The following ANO10 variants were observed in gnomAD, a reference collection of about 807,000 sequenced individuals.
ANO10 encodes the protein anoctamin-10.
In ANO10, 77 loss-of-function variants were observed where a neutral mutation model predicts 74.7. That is an observed-to-expected ratio of 1.03 (90% CI 0.86 to 1.25). The LOEUF (loss-of-function observed/expected upper bound fraction) is 1.25. Ranked by LOEUF, ANO10 falls within the 50% of genes most tolerant of loss-of-function variation. The pLI is 0.00. For missense variants in ANO10, 721 were observed against 778.1 expected, an observed-to-expected ratio of 0.93 and a Z score of 0.87; for synonymous variants, 279 against 284.9, an observed-to-expected ratio of 0.98 and a Z score of 0.21.
chr3:43,658,975 T>C (rs2083889259), intron 1 of ANO10, among the ~76,000 whole-genome samples: 1 of 152,144 alleles, frequency 6.6e-6, no homozygotes, highest in South Asian at 2.1e-4. Flanking sequence ...TTAAGTTGAA[T>C]ATTTATATTT....
chr3:43,611,988 C>T (rs2082840349), intron 1 of ANO10, among the ~76,000 whole-genome samples: 1 of 151,660 alleles, frequency 6.6e-6, no homozygotes, highest in African/African-American at 2.4e-5. Flanking sequence ...TTATCATAGA[C>T]TCTTTCCTTG....
intron 12 of ANO10, among the ~76,000 whole-genome samples, chr3:43,417,575 T>C (rs2092760341): frequency 6.6e-6 from 1 of 152,108 alleles, no homozygotes; most frequent in African/African-American, 2.4e-5. Context: ...AAACTTCCAC[T>C]CCTAAACTCC....
chr3:43,603,520 A>G (rs2082427484), intron 2 of ANO10, among the ~76,000 whole-genome samples: 1 of 151,178 alleles, frequency 6.6e-6, no homozygotes, highest in South Asian at 2.1e-4. Context: ...TCTTTTCGTA[A>G]CTCTGAGTGC....
At position 43,372,767 on chromosome 3, in the gene ANO10, C is replaced by T. The variant is rs1467962867; in HGVS notation, c.1915-5793G>A. ...CCAGAGAGCAGGGCCATGACTAGAC[C>T]CCAGGACCTATGACAGTGCCTGGCA... On this transcript the variant is annotated intron_variant, in intron 12 of 12. Coordinates refer to ENST00000292246, the MANE Select transcript of ANO10 (RefSeq NM_018075.5). 3.0e-6 allele frequency: 4 copies of T among 1,355,808 alleles called. No homozygotes were observed. In the Admixed American group the frequency reaches 7.9e-5, roughly 27 times the overall value. 84.0% of individuals were successfully genotyped at this position (1,355,808 alleles called of 1,614,324 possible).
chr3:43,525,671 GTT>G (rs916241980), intron 11 of ANO10, among the ~76,000 whole-genome samples: 2 of 152,226 alleles, frequency 1.3e-5, no homozygotes, highest in African/African-American at 4.8e-5. Context: ...AGGGAAAGAT[GTT>G]TTGTCTCTCT....
At chr3:43,569,167 CA>C (rs2080549435) in intron 7 of ANO10, among the ~76,000 whole-genome samples, 1 of 148,268 alleles carries the variant, frequency 6.7e-6, no homozygotes, top group Non-Finnish European at 1.5e-5. Context: ...AGACCAATAA[CA>C]GGAGCTGAAA....
chr3:43,609,734 C>A (rs1271198565), intron 1 of ANO10, among the ~76,000 whole-genome samples: 1 of 152,146 alleles, frequency 6.6e-6, no homozygotes, highest in Admixed American at 6.6e-5. Flanking sequence ...CATGTTACTG[C>A]ACTGAATCCT....
At chr3:43,539,933 C>T (rs1376683331) in intron 11 of ANO10, among the ~76,000 whole-genome samples, 4 of 152,170 alleles carry the variant, frequency 2.6e-5, no homozygotes, top group Non-Finnish European at 5.9e-5. Flanking sequence ...AGGTTACCCA[C>T]TGTAAGACCT....
At chr3:43,424,892 G>C (rs1355711100) in intron 12 of ANO10, 1 of 152,196 alleles carries the variant, frequency 6.6e-6, no homozygotes, top group Admixed American at 6.5e-5. Flanking sequence ...ACCTTCCAGT[G>C]AAAGAAGAAA....
upstream of ANO10, among the ~76,000 whole-genome samples, chr3:43,622,403 C>G (rs543651797): frequency 1.3e-5 from 2 of 152,264 alleles, no homozygotes; most frequent in South Asian, 4.1e-4. Flanking sequence ...GCTCTCCAAC[C>G]GCGAGCGGTC....
chr3:43,593,860 A>G (rs1190132881), intron 4 of ANO10, among the ~76,000 whole-genome samples: 2 of 152,216 alleles, frequency 1.3e-5, no homozygotes, highest in Non-Finnish European at 2.9e-5. Flanking sequence ...TGTATTCAGG[A>G]GACCCATCTC....
In ANO10 at chr3:43,538,773, G is replaced by T. The variant is rs1432728595; in HGVS notation, c.1797+10947C>A. Among the ~76,000 whole-genome samples the T allele has an allele frequency of 1.3e-5, 2 of 152,280 alleles. 1 individual carries two copies. Among genetic ancestry groups the T allele is most frequent in the South Asian group, 4.1e-4 (2 of 4,820 alleles). ...GAACGGCCTGCTGTCTACACACACA[G>T]GGGCAGGTGCTTCATAGACAAGAAC... On this transcript the variant is annotated intron_variant, in intron 11 of 12. Transcript: ENST00000292246.
chr3:43,549,720 C>T lies in ANO10; in HGVS notation c.1797G>A (p.Glu599=). 4 of 1,613,844 alleles carry T rather than the reference C, an allele frequency of 2.5e-6. No homozygotes were observed. The highest frequency in any genetic ancestry group is 2.5e-6 in the Non-Finnish European group (3 of 1,179,826). Residue 599 remains glutamate (E), a splice_region_variant and synonymous_variant, in exon 11 of 13, where the codon GAG becomes GAA. Coordinates refer to ENST00000292246, the MANE Select transcript of ANO10 (RefSeq NM_018075.5). ...ADLILIVVAV[E]HALLALKFIL... ...AAAATAAGTTTAAATCTTTACTTAC[C>T]TCCACTGCTACTACAATCAAAATGA...
chr3:43,446,932 A>G (rs1340907321), intron 11 of ANO10, among the ~76,000 whole-genome samples: 1 of 152,168 alleles, frequency 6.6e-6, no homozygotes, highest in African/African-American at 2.4e-5. Flanking sequence ...CATCTTCCCA[A>G]TGCCCCACTG....
At chr3:43,598,063 T>C (rs1316749728) in intron 4 of ANO10, among the ~76,000 whole-genome samples, 3 of 152,224 alleles carry the variant, frequency 2.0e-5, no homozygotes, top group Non-Finnish European at 4.4e-5. Context: ...TTATGCATTG[T>C]AGTAAACTTT....
At chr3:43,498,806 G>C (rs1390841795) in intron 11 of ANO10, among the ~76,000 whole-genome samples, 1 of 152,102 alleles carries the variant, frequency 6.6e-6, no homozygotes, top group East Asian at 1.9e-4. Flanking sequence ...GGTAAGAGGG[G>C]AATAAAAATC....
At chr3:43,485,197 A>C in intron 11 of ANO10, 1 of 697,546 alleles carries the variant, frequency 1.4e-6, no homozygotes, top group Non-Finnish European at 2.6e-6. Context: ...GTGGTCAGGT[A>C]CCGGTATTGC....
At chr3:43,609,384 A>C (rs997648648) in intron 1 of ANO10, among the ~76,000 whole-genome samples, 1 of 152,228 alleles carries the variant, frequency 6.6e-6, no homozygotes, top group African/African-American at 2.4e-5. Context: ...GCAAAATTAA[A>C]TGTATAAAAC....
chr3:43,380,280 A>G (rs963989105), intron 12 of ANO10, among the ~76,000 whole-genome samples: 7 of 152,238 alleles, frequency 4.6e-5, no homozygotes, highest in Non-Finnish European at 1.0e-4. Flanking sequence ...ATTGAGGAAA[A>G]CTTCTCCAGC....
Sources: gnomAD v4.1 joint callset for allele counts (sites outside exome capture counted in the v4.1 genomes callset) on GRCh38, gnomAD v4.1.1 for gene constraint, MANE v1.5 for transcripts, NCBI Gene and HGNC (gene_info 2026-07-23, HGNC 2026-07-21) for gene names.